TRAPPC9: variants seen among roughly 807,000 people sequenced by gnomAD.
TRAPPC9 encodes trafficking protein particle complex subunit 9, also known as IKK2 binding protein.
A neutral mutation model predicts 124.0 loss-of-function variants in TRAPPC9; 83 were observed. The observed-to-expected ratio is 0.67, with a 90% CI of 0.56 to 0.80. The LOEUF is 0.80. Ranked by LOEUF, TRAPPC9 falls within the 30% of genes least tolerant of loss-of-function variation. The pLI is 0.00. For missense variants in TRAPPC9, 1,302 were observed against 1,508.3 expected (o/e 0.86, Z 2.27); for synonymous variants, 638 against 617.5 (o/e 1.03, Z -0.49).
At chr8:139,942,050 G>C (rs1833949380) in intron 19 of TRAPPC9, among the ~76,000 whole-genome samples, 1 of 152,204 alleles carries the variant, frequency 6.6e-6, no homozygotes, top group Non-Finnish European at 1.5e-5. Context: ...ACCTTCTCAA[G>C]CCTTAGTGTC....
chr8:139,913,390 C>T (rs985524850), intron 19 of TRAPPC9, among the ~76,000 whole-genome samples: 3 of 152,224 alleles, frequency 2.0e-5, no homozygotes, highest in African/African-American at 7.2e-5. Flanking sequence ...TCTGGGTGCC[C>T]AAGCCATCTG....
At chr8:139,933,205 G>T (rs13266174) in intron 19 of TRAPPC9, 15,568 of 152,594 alleles carry the variant, frequency 0.1, 900 homozygotes, top group Admixed American at 0.17. Context: ...TGGATTCTGT[G>T]CCTACCTGCT....
At chr8:139,808,149 A>G (rs541048246) in intron 21 of TRAPPC9, among the ~76,000 whole-genome samples, 1 of 152,330 alleles carries the variant, frequency 6.6e-6, no homozygotes, top group Admixed American at 6.5e-5. Flanking sequence ...TGTACCATGC[A>G]ATTTACCCAT....
chr8:140,175,947 G>T (rs2062060826), intron 17 of TRAPPC9, among the ~76,000 whole-genome samples: 2 of 152,320 alleles, frequency 1.3e-5, no homozygotes, highest in South Asian at 4.1e-4. Flanking sequence ...CAGACATCGG[G>T]CTATGCCCTG....
chr8:140,315,613 C>A (rs2066423566), intron 9 of TRAPPC9, among the ~76,000 whole-genome samples: 1 of 152,104 alleles, frequency 6.6e-6, no homozygotes, highest in Admixed American at 6.5e-5. Flanking sequence ...TGAGTTATTA[C>A]TTTGGTCAAA....
intron 18 of TRAPPC9, among the ~76,000 whole-genome samples, chr8:140,003,601 CA>C (rs58826807): frequency 0.025 from 2,284 of 91,288 alleles, 23 homozygotes; most frequent in African/African-American, 0.042. Flanking sequence ...GACCCTGTCA[CA>C]AAAAAAAAAA....
intron 21 of TRAPPC9, among the ~76,000 whole-genome samples, chr8:139,789,250 G>A (rs1389966806): frequency 6.6e-6 from 1 of 152,178 alleles, no homozygotes; most frequent in Non-Finnish European, 1.5e-5. Flanking sequence ...TCCCGGGCCC[G>A]CACCAAGCTC....
At chr8:140,204,595 A>G (rs2131194399) in intron 17 of TRAPPC9, among the ~76,000 whole-genome samples, 1 of 152,228 alleles carries the variant, frequency 6.6e-6, no homozygotes, top group South Asian at 2.1e-4. Flanking sequence ...CACATTGTGC[A>G]CATGTACCCT....
chr8:140,442,242 T>G (rs770720299), intron 2 of TRAPPC9, among the ~76,000 whole-genome samples: 3 of 152,206 alleles, frequency 2.0e-5, no homozygotes, highest in Non-Finnish European at 4.4e-5. Flanking sequence ...ATATAAATAC[T>G]CTTATAGTTT....
rs527575208 is a variant in TRAPPC9, at chr8:140,457,657, C to A, written c.-29G>T. 2.0e-3 allele frequency: 2,011 copies of A among 986,472 alleles called. 2 individuals carry two copies. Among genetic ancestry groups the A allele is most frequent in the Admixed American group, 2.3e-3 (38 of 16,308 alleles). 61.1% of individuals were successfully genotyped at this position (986,472 alleles called of 1,614,324 possible). ...CACTTACACAGCCGGTGGCCCCGGG[C>A]CCGGAGCGGGAGCCCACGACCTGGC... On this transcript the variant is annotated 5_prime_UTR_variant, in exon 1 of 23. Coordinates refer to ENST00000438773, the MANE Select transcript of TRAPPC9 (RefSeq NM_001160372.4).
chr8:139,792,696 A>G (rs1290889356), intron 21 of TRAPPC9, among the ~76,000 whole-genome samples: 4 of 152,186 alleles, frequency 2.6e-5, no homozygotes, highest in South Asian at 4.1e-4. Flanking sequence ...AGGAAGCAGG[A>G]GCTCCGGGGC....
At chr8:140,200,224 A>T (rs2062755926) in intron 17 of TRAPPC9, among the ~76,000 whole-genome samples, 2 of 152,230 alleles carry the variant, frequency 1.3e-5, no homozygotes, top group African/African-American at 2.4e-5. Flanking sequence ...AAATAATTAC[A>T]GAGATGTGTA....
In TRAPPC9 at chr8:139,756,581, C is replaced by G. The variant is rs1172637711; in HGVS notation, c.3056-24379G>C. Among the ~76,000 whole-genome samples, 91 of 138,834 alleles carry G rather than the reference C, an allele frequency of 6.6e-4. 1 individual carries two copies. Among genetic ancestry groups the G allele is most frequent in the African/African-American group, 2.4e-3 (85 of 35,600 alleles). 91.1% of individuals were successfully genotyped at this position (138,834 alleles called of 152,430 possible). A position where few individuals can be genotyped will look rare whatever the true frequency, so the allele number is the denominator to read the frequency against. ...TGAGGACAGCAGGTCGCAGGAGGAG[C>G]CCGGGATGGGGTATAAGGACAGCGT... On this transcript the variant is annotated intron_variant, in intron 21 of 22. Transcript: ENST00000438773.
Position 140,405,977 on chromosome 8 carries a change from T to C in TRAPPC9, c.887-279A>G, listed in dbSNP as rs1015691592. 2.6e-5 allele frequency among the ~76,000 whole-genome samples: 4 copies of C among 152,218 alleles called. No individual in the cohort carries two copies. In the East Asian group the frequency reaches 7.7e-4, roughly 29 times the overall value. ...ATAAAAGTAACATATTTACAGTAAC[T>C]AGCTCAATTGTCTTGAAGGCAATGG... On this transcript the variant is annotated intron_variant, in intron 5 of 22. Transcript: ENST00000438773.
intron 17 of TRAPPC9, among the ~76,000 whole-genome samples, chr8:140,127,118 A>G (rs974676012): frequency 6.6e-6 from 1 of 152,222 alleles, no homozygotes; most frequent in African/African-American, 2.4e-5. Flanking sequence ...GGGCTCTGGA[A>G]ATTAAGATGG....
In TRAPPC9 at chr8:139,885,976, CT is replaced by C; in HGVS notation, c.2965-8del. 1 of 1,561,090 alleles carries C rather than the reference CT, an allele frequency of 6.4e-7. No homozygotes were observed. The highest frequency in any genetic ancestry group is 1.9e-5 in the Admixed American group (1 of 52,370). On this transcript the variant is annotated splice_polypyrimidine_tract_variant and splice_region_variant and intron_variant, in intron 20 of 22. Coordinates refer to ENST00000438773, the MANE Select transcript of TRAPPC9 (RefSeq NM_001160372.4). ...CACTGCGCTTCAGGGAGGGGTGAGC[CT>C]TGGTCAAGGAAAACGCAACTCCTGC...
chr8:139,883,800 C>T (rs1829831604), intron 21 of TRAPPC9, among the ~76,000 whole-genome samples: 4 of 152,344 alleles, frequency 2.6e-5, no homozygotes, highest in Admixed American at 2.0e-4. Context: ...GGCCTGGTGG[C>T]CTGTAACGCA....
At chr8:140,106,274 T>C (rs1438437977) in intron 17 of TRAPPC9, among the ~76,000 whole-genome samples, 2 of 152,202 alleles carry the variant, frequency 1.3e-5, no homozygotes, top group Admixed American at 6.5e-5. Flanking sequence ...CGCATTTTTG[T>C]GTCAGACAGT....
chr8:140,443,320 C>T (rs911402509), intron 2 of TRAPPC9, among the ~76,000 whole-genome samples: 2 of 151,230 alleles, frequency 1.3e-5, no homozygotes, highest in African/African-American at 2.4e-5. Context: ...CCTGTAGTCC[C>T]AGCTAATCAG....
Sources: allele counts gnomAD v4.1 joint callset (sites outside exome capture counted in the v4.1 genomes callset), GRCh38; gene constraint gnomAD v4.1.1; transcripts MANE v1.5; gene names NCBI Gene and HGNC (gene_info 2026-07-23, HGNC 2026-07-21).